The following DST variants were observed in gnomAD, a reference collection of about 807,000 sequenced individuals.
DST encodes dystonin, also known as bullous pemphigoid antigen.
Under a neutral mutation model 875.2 loss-of-function variants are expected in DST, and 253 were observed. The ratio of observed to expected loss-of-function variants is 0.29; its 90% confidence interval spans 0.26 to 0.32. The LOEUF (loss-of-function observed/expected upper bound fraction) is 0.32. Ranked by LOEUF, DST falls within the 10% of genes least tolerant of loss-of-function variation. The probability of loss-of-function intolerance (pLI) is 1.00; values close to 1 mark genes in which losing one functional copy is unlikely to be tolerated. For missense variants in DST, 8,287 were observed against 9,111.6 expected (o/e 0.91, Z 3.68); for synonymous variants, 3,124 against 3,197.1 (o/e 0.98, Z 0.77).
chr6:56,750,214 G>A (rs949234210), intron 4 of DST, among the ~76,000 whole-genome samples: 4 of 152,120 alleles, frequency 2.6e-5, no homozygotes, highest in African/African-American at 7.2e-5. Context: ...ATGTAAAACA[G>A]ACAGAGATAA....
chr6:56,595,844 T>C (rs78019791), intron 47 of DST, among the ~76,000 whole-genome samples: 4,541 of 148,338 alleles, frequency 0.031, 220 homozygotes, highest in African/African-American at 0.11. Context: ...CAACACCATA[T>C]AAATGATCAG....
In DST at chr6:56,647,975, C is replaced by T. The variant is rs929650209; in HGVS notation, c.1554+595G>A. Among the ~76,000 whole-genome samples the T allele has an allele frequency of 3.9e-5, 6 of 152,226 alleles. No homozygotes were observed. In the South Asian group the frequency reaches 1.0e-3, roughly 26 times the overall value. On this transcript the variant is annotated intron_variant, in intron 13 of 103. Coordinates refer to ENST00000680361, the MANE Select transcript of DST (RefSeq NM_001374736.1). ...TGCTGGGATTACGGGTGTGACCCAC[C>T]GCACCCGGCCTATAATGGCTTTTAT...
chr6:56,938,728 C>T (rs79950175), intron 2 of DST, among the ~76,000 whole-genome samples: 2,872 of 152,324 alleles, frequency 0.019, 41 homozygotes, highest in Non-Finnish European at 0.031. Context: ...AGATTCCAGA[C>T]TTCAAGAGGC....
intron 55 of DST, among the ~76,000 whole-genome samples, chr6:56,567,193 T>C (rs756552429): frequency 2.8e-4 from 43 of 152,240 alleles, no homozygotes; most frequent in Non-Finnish European, 5.0e-4. Flanking sequence ...ATAATCAGAA[T>C]ATTAAAATAT....
intron 3 of DST, among the ~76,000 whole-genome samples, chr6:56,864,831 T>C (rs1370645417): frequency 1.3e-5 from 2 of 152,204 alleles, no homozygotes; most frequent in African/African-American, 4.8e-5. Context: ...ATATATCATT[T>C]TGAGGACTTG....
intron 49 of DST, among the ~76,000 whole-genome samples, chr6:56,582,958 G>A (rs551899338): frequency 1.3e-5 from 2 of 152,018 alleles, no homozygotes; most frequent in Non-Finnish European, 1.5e-5. Flanking sequence ...GTATTCCATG[G>A]TGTATATGTG....
At chr6:56,610,348 T>C (rs868593690) in intron 39 of DST, 79 bp downstream of exon 39, 2 of 1,115,736 alleles carry the variant, frequency 1.8e-6, no homozygotes, top group African/African-American at 3.3e-5. Context: ...CATTTCTTTA[T>C]TATTGACATA....
At chr6:56,695,126 CAAAAAAAA>C (rs34456344) in intron 9 of DST, among the ~76,000 whole-genome samples, 1 of 70,096 alleles carries the variant, frequency 1.4e-5, no homozygotes, top group Non-Finnish European at 2.7e-5. Context: ...GACTCCCTCT[CAAAAAAAA>C]AAAAAAAAAA....
intron 9 of DST, among the ~76,000 whole-genome samples, chr6:56,684,432 G>C (rs1451232614): frequency 2.0e-5 from 3 of 152,194 alleles, no homozygotes; most frequent in African/African-American, 7.2e-5. Flanking sequence ...CTTAAAGAAA[G>C]TTATATAATG....
At chr6:56,585,890 T>C (rs1049803701) in intron 49 of DST, among the ~76,000 whole-genome samples, 13 of 152,222 alleles carry the variant, frequency 8.5e-5, no homozygotes, top group Admixed American at 3.3e-4. Flanking sequence ...TCAGTTTCCA[T>C]GCAGTTGAGA....
intron 9 of DST, among the ~76,000 whole-genome samples, chr6:56,674,531 G>A (rs1182197600): frequency 2.0e-5 from 3 of 151,958 alleles, no homozygotes; most frequent in Admixed American, 6.6e-5. Context: ...TCCTGACCTC[G>A]GGTGATTCAC....
intron 78 of DST, among the ~76,000 whole-genome samples, chr6:56,503,444 T>A (rs2096202731): frequency 1.3e-5 from 2 of 151,854 alleles, no homozygotes; most frequent in African/African-American, 4.8e-5. Context: ...AAAATTAAAA[T>A]TAAAAATATC....
chr6:56,578,709 A>G (rs2097913285), intron 50 of DST, 105 bp downstream of exon 50: 2 of 1,194,888 alleles, frequency 1.7e-6, no homozygotes, highest in African/African-American at 1.5e-5. Flanking sequence ...GAAAGAGCAC[A>G]TAGAACACAA....
intron 22 of DST, among the ~76,000 whole-genome samples, chr6:56,638,624 A>G (rs960373764): frequency 1.3e-5 from 2 of 152,160 alleles, no homozygotes; most frequent in Non-Finnish European, 2.9e-5. Flanking sequence ...TCTGTCTAAT[A>G]TACAATTTAA....
intron 15 of DST, 89 bp downstream of exon 15, chr6:56,645,777 T>C: frequency 6.8e-7 from 1 of 1,478,762 alleles, no homozygotes; most frequent in African/African-American, 1.4e-5. Flanking sequence ...CAAGGCCAAG[T>C]AAACAGAGGT....
intron 3 of DST, among the ~76,000 whole-genome samples, chr6:56,869,938 G>A (rs1157265602): frequency 1.3e-5 from 2 of 151,888 alleles, no homozygotes; most frequent in Admixed American, 6.6e-5. Context: ...CACCTGCCTC[G>A]GCCTCCTAAA....
chr6:56,634,687 AT>A (rs879328161), intron 25 of DST, 71 bp from the exon 26 acceptor site: 6 of 1,607,168 alleles, frequency 3.7e-6, no homozygotes, highest in East Asian at 2.2e-5. Flanking sequence ...CAATCCTGGG[AT>A]TTTTTTTGTT....
At chr6:56,765,659 T>C (rs979570214) in intron 4 of DST, among the ~76,000 whole-genome samples, 1 of 152,164 alleles carries the variant, frequency 6.6e-6, no homozygotes, top group Non-Finnish European at 1.5e-5. Context: ...AGATGAATGG[T>C]GAAGTATGAG....
intron 4 of DST, among the ~76,000 whole-genome samples, chr6:56,826,337 G>A (rs2099780450): frequency 6.6e-6 from 1 of 152,124 alleles, no homozygotes; most frequent in Non-Finnish European, 1.5e-5. Context: ...CATGGAAGAA[G>A]CTTTTCTCAA....
Sources: allele counts gnomAD v4.1 joint callset (sites outside exome capture counted in the v4.1 genomes callset), GRCh38; gene constraint gnomAD v4.1.1; transcripts MANE v1.5; gene names NCBI Gene and HGNC (gene_info 2026-07-23, HGNC 2026-07-21).